URI1: variants seen among roughly 807,000 people sequenced by gnomAD.
The protein encoded by URI1 is URI1 prefoldin like chaperone.
In URI1, 39 loss-of-function variants were observed where a neutral mutation model predicts 60.2. That is an observed-to-expected ratio of 0.65 (90% CI 0.50 to 0.85). The LOEUF is 0.85. URI1 is among the 40% of genes least tolerant of loss of function. URI1 has a pLI of 0.00. For synonymous variants in URI1, 251 were observed against 236.8 expected, an observed-to-expected ratio of 1.06 and a Z score of -0.55; for missense variants, 691 against 665.9, an observed-to-expected ratio of 1.04 and a Z score of -0.42.
chr19:30,012,768 A>C, intron 10 of URI1: 1 of 409,584 alleles, frequency 2.4e-6, no homozygotes, highest in South Asian at 4.2e-5. Context: ...GGAAATTTAA[A>C]ATGTCTTACT....
At chr19:29,980,631 A>C (rs1050622799) in intron 2 of URI1, among the ~76,000 whole-genome samples, 3 of 147,528 alleles carry the variant, frequency 2.0e-5, no homozygotes, top group African/African-American at 7.4e-5. Context: ...AAAAAAAAAA[A>C]AAAAAAAACT....
rs965802921 is a variant in URI1 at position 29,956,676 on chromosome 19, A to G, written c.117+14012A>G. 5 of 1,540,280 alleles carry G rather than the reference A, an allele frequency of 3.2e-6. No individual in the cohort carries two copies. In the African/African-American group the frequency reaches 6.8e-5, roughly 21 times the overall value. On this transcript the variant is annotated intron_variant, in intron 1 of 10. Coordinates refer to ENST00000392271, the MANE Select transcript of URI1 (RefSeq NM_003796.3). ...TTTCAACAAGAGACCCATTCTGGATAACGACGTTGATGGGGGAAGTGAGCA... is the reference window on the plus strand; with the variant it reads ...TTTCAACAAGAGACCCATTCTGGATGACGACGTTGATGGGGGAAGTGAGCA...
At chr19:29,965,269 G>A (rs1382980016) in intron 1 of URI1, among the ~76,000 whole-genome samples, 2 of 152,104 alleles carry the variant, frequency 1.3e-5, no homozygotes, top group African/African-American at 2.4e-5. Context: ...GGCTACAGAC[G>A]GAGAAATGGG....
intron 1 of URI1, among the ~76,000 whole-genome samples, chr19:29,962,134 A>G (rs2055333720): frequency 6.6e-6 from 1 of 152,174 alleles, no homozygotes. Flanking sequence ...TCCAGTCCAC[A>G]TACTGGGCAA....
chr19:29,956,647 C>T (rs903332710), intron 1 of URI1: 30 of 1,518,658 alleles, frequency 2.0e-5, no homozygotes, highest in South Asian at 1.6e-4. Flanking sequence ...CAAGAAATTT[C>T]GGATTTCAAC....
Position 30,007,648 on chromosome 19 carries a change from G to T in URI1, c.686+10G>T. ...TGGGTGAACTTGATAGGTACTTGAT[G>T]ACAAATTATCTTTCCAAGATAATTT... On this transcript the variant is annotated intron_variant, in intron 7 of 10. Coordinates refer to ENST00000392271, the MANE Select transcript of URI1 (RefSeq NM_003796.3). The T allele has an allele frequency of 6.4e-7, 1 of 1,572,606 alleles. No individual in the cohort carries two copies. The highest frequency in any genetic ancestry group is 1.2e-5 in the South Asian group (1 of 85,178).
chr19:29,944,021 C>T (rs2145227144), intron 1 of URI1, among the ~76,000 whole-genome samples: 1 of 149,432 alleles, frequency 6.7e-6, no homozygotes, highest in African/African-American at 2.5e-5. Flanking sequence ...CGCTTGTAGT[C>T]CCACGTACTT....
At chr19:29,995,653 T>C (rs1476289674) in intron 4 of URI1, among the ~76,000 whole-genome samples, 1 of 152,124 alleles carries the variant, frequency 6.6e-6, no homozygotes, top group Non-Finnish European at 1.5e-5. Context: ...TTAGTGTTTT[T>C]TTGTTTTTGC....
At chr19:29,952,878 C>T (rs2055196795) in intron 1 of URI1, among the ~76,000 whole-genome samples, 1 of 152,172 alleles carries the variant, frequency 6.6e-6, no homozygotes, top group Non-Finnish European at 1.5e-5. Flanking sequence ...TTCTCCCCTC[C>T]CCCAAACCCC....
At chr19:29,949,597 C>T (rs1438406472) in intron 1 of URI1, among the ~76,000 whole-genome samples, 2 of 152,182 alleles carry the variant, frequency 1.3e-5, no homozygotes, top group Non-Finnish European at 2.9e-5. Flanking sequence ...GAGATCACGC[C>T]ACTGCACTCC....
chr19:29,988,668 C>T (rs1217718466), intron 4 of URI1, among the ~76,000 whole-genome samples: 1 of 152,212 alleles, frequency 6.6e-6, no homozygotes, highest in Non-Finnish European at 1.5e-5. Flanking sequence ...GCACGTACAG[C>T]AGTTTTTCCA....
At chr19:29,933,819 C>T (rs1360459349) in intron 1 of URI1, among the ~76,000 whole-genome samples, 1 of 17,182 alleles carries the variant, frequency 5.8e-5, no homozygotes, top group Non-Finnish European at 1.0e-4. Flanking sequence ...GAGACTCGAT[C>T]TCTTTAAAAA....
intron 2 of URI1, chr19:29,980,479 A>G (rs2055578882): frequency 6.6e-6 from 1 of 151,780 alleles, no homozygotes; most frequent in Non-Finnish European, 1.5e-5. Flanking sequence ...ACTCTGTCCC[A>G]GGTTAACTCA....
At chr19:29,966,250 A>G (rs1315872144) in intron 1 of URI1, among the ~76,000 whole-genome samples, 1 of 152,020 alleles carries the variant, frequency 6.6e-6, no homozygotes, top group Non-Finnish European at 1.5e-5. Flanking sequence ...TGGTTCAAGC[A>G]ATTCAAGCTA....
chr19:29,997,976 G>C (rs1243298818), intron 4 of URI1, among the ~76,000 whole-genome samples: 1 of 152,076 alleles, frequency 6.6e-6, no homozygotes, highest in Non-Finnish European at 1.5e-5. Context: ...TGTTGTCCAG[G>C]CTAGTCTTGA....
At chr19:29,968,565 CTTTTTTTTTTTT>C (rs35475321) in intron 1 of URI1, among the ~76,000 whole-genome samples, 19 of 74,428 alleles carry the variant, frequency 2.6e-4, no homozygotes, top group Non-Finnish European at 3.2e-4. Context: ...CTAATTTTTT[CTTTTTTTTTTTT>C]TTTTTTTTTT....
At chr19:29,942,206 C>A (rs1435343484), upstream of URI1, 3 of 984,398 alleles carry the variant, frequency 3.0e-6, no homozygotes, top group Non-Finnish European at 3.6e-6. Flanking sequence ...GGGGCCTGCG[C>A]GCTTGCTTCC....
chr19:29,991,818 T>TTTTGTCCA (rs2055750480), intron 4 of URI1, among the ~76,000 whole-genome samples: 1 of 152,154 alleles, frequency 6.6e-6, no homozygotes. Flanking sequence ...TAAATGAAAA[T>TTTTGTCCA]ATGTTGAATT....
chr19:29,955,882 T>C (rs2055240024), intron 1 of URI1, among the ~76,000 whole-genome samples: 1 of 152,138 alleles, frequency 6.6e-6, no homozygotes, highest in East Asian at 1.9e-4. Flanking sequence ...TGAGCCACCG[T>C]GCCTGGCCCA....
Sources: gnomAD v4.1 joint callset for allele counts (sites outside exome capture counted in the v4.1 genomes callset) on GRCh38, gnomAD v4.1.1 for gene constraint, MANE v1.5 for transcripts, NCBI Gene and HGNC (gene_info 2026-07-23, HGNC 2026-07-21) for gene names.